The following CYRIB variants were observed in gnomAD, a reference collection of about 807,000 sequenced individuals.
The protein encoded by CYRIB is CYFIP related Rac1 interactor B.
A neutral mutation model predicts 44.2 loss-of-function variants in CYRIB; 8 were observed. That is an observed-to-expected ratio of 0.18 (90% CI 0.11 to 0.33). CYRIB has a LOEUF of 0.33. CYRIB is among the 10% of genes least tolerant of loss of function. CYRIB has a pLI of 1.00. For synonymous variants in CYRIB, 131 were observed against 127.2 expected (o/e 1.03, Z -0.20); for missense variants, 185 against 382.8 (o/e 0.48, Z 4.31).
chr8:129,905,739 C>T (rs1472110321), intron 1 of CYRIB, among the ~76,000 whole-genome samples: 2 of 152,120 alleles, frequency 1.3e-5, no homozygotes, highest in East Asian at 3.8e-4. Flanking sequence ...AAAACCAGTG[C>T]CACTTTGCAT....
upstream of CYRIB, among the ~76,000 whole-genome samples, chr8:129,943,735 A>C (rs1391984310): frequency 1.3e-5 from 2 of 148,284 alleles, no homozygotes; most frequent in East Asian, 4.2e-4. Context: ...AGCAGCTGGG[A>C]CTACAGGCGC....
intron 2 of CYRIB, among the ~76,000 whole-genome samples, chr8:129,884,337 G>A (rs2061901280): frequency 6.6e-6 from 1 of 152,140 alleles, no homozygotes; most frequent in Non-Finnish European, 1.5e-5. Context: ...TGCCCAGACT[G>A]GAGTGCAATG....
intron 4 of CYRIB, among the ~76,000 whole-genome samples, chr8:129,870,789 T>C (rs1428996752): frequency 6.6e-6 from 1 of 152,104 alleles, no homozygotes; most frequent in Non-Finnish European, 1.5e-5. Flanking sequence ...TAAACATGGA[T>C]ATGCTACGGG....
At position 129,871,273 on chromosome 8, in the gene CYRIB, C is replaced by T. The variant is rs570956346; in HGVS notation, c.195+102G>A. 3 of 1,324,484 alleles carry T rather than the reference C, an allele frequency of 2.3e-6. No individual in the cohort carries two copies. In the South Asian group the frequency reaches 4.9e-5, roughly 22 times the overall value. The allele number at this position is 1,324,484 out of a possible 1,614,324, so 82.0% of individuals were successfully genotyped here. On this transcript the variant is annotated intron_variant, in intron 4 of 11. Transcript: ENST00000519824. The stretch of plus-strand genomic sequence containing the variant: ...AAGTGAGCATCCTTCAAATATAATA[C>T]TTAATATGAAATATAGAATTCTGAA...
chr8:129,855,926 C>A (rs1366333082), intron 5 of CYRIB, among the ~76,000 whole-genome samples, 179 bp from the exon 8 acceptor site: 1 of 152,226 alleles, frequency 6.6e-6, no homozygotes, highest in Non-Finnish European at 1.5e-5. Flanking sequence ...ATGTACTACA[C>A]ACATTCTGAA....
At chr8:130,008,962 T>C (rs1028517191) in intron 1 of CYRIB, among the ~76,000 whole-genome samples, 1 of 152,220 alleles carries the variant, frequency 6.6e-6, no homozygotes, top group Admixed American at 6.5e-5. Flanking sequence ...GTCCCAGCAC[T>C]GAGGCTCTGT....
At chr8:129,865,468 A>C (rs2052965442) in intron 4 of CYRIB, among the ~76,000 whole-genome samples, 2 of 152,224 alleles carry the variant, frequency 1.3e-5, no homozygotes, top group African/African-American at 2.4e-5. Flanking sequence ...TCGTGATCAT[A>C]CGTAGAAAAA....
chr8:129,840,004 CAG>C (rs1299296920), exon 12 of CYRIB: 1 of 152,622 alleles, frequency 6.6e-6, no homozygotes, highest in Non-Finnish European at 1.5e-5. Context: ...CTCAAGTTCG[CAG>C]ACTCTCCGGT....
At chr8:129,891,257 A>C (rs1238169153) in intron 2 of CYRIB, among the ~76,000 whole-genome samples, 1 of 152,208 alleles carries the variant, frequency 6.6e-6, no homozygotes, top group African/African-American at 2.4e-5. Flanking sequence ...TACCTCAGCA[A>C]TCTCTTTTGG....
At chr8:129,979,131 ACT>A (rs2096091277) in intron 1 of CYRIB, among the ~76,000 whole-genome samples, 1 of 152,066 alleles carries the variant, frequency 6.6e-6, no homozygotes, top group Non-Finnish European at 1.5e-5. Flanking sequence ...ACAGAGCAAG[ACT>A]CTGTCTCAAA....
intron 2 of CYRIB, chr8:129,948,406 G>A (rs1409522888): frequency 2.0e-5 from 3 of 152,014 alleles, no homozygotes; most frequent in South Asian, 4.1e-4. Flanking sequence ...AGACTCACTG[G>A]CTGCAAAAAA....
At chr8:129,966,653 A>G (rs1225520803) in intron 2 of CYRIB, among the ~76,000 whole-genome samples, 1 of 152,220 alleles carries the variant, frequency 6.6e-6, no homozygotes, top group Non-Finnish European at 1.5e-5. Flanking sequence ...ACTTGAGTCC[A>G]GGAATTCAAG....
At chr8:130,002,490 AG>A (rs2096929921) in intron 1 of CYRIB, among the ~76,000 whole-genome samples, 1 of 152,178 alleles carries the variant, frequency 6.6e-6, no homozygotes, top group South Asian at 2.1e-4. Context: ...GGAAAAAAGA[AG>A]GGGAGAAGGG....
At chr8:129,916,524 A>G (rs192928129) in intron 1 of CYRIB, among the ~76,000 whole-genome samples, 2 of 152,328 alleles carry the variant, frequency 1.3e-5, no homozygotes, top group East Asian at 3.9e-4. Context: ...TAAACATGCT[A>G]CTAGAGCAGA....
At chr8:129,950,491 A>C (rs747090762) in intron 2 of CYRIB, among the ~76,000 whole-genome samples, 9 of 151,968 alleles carry the variant, frequency 5.9e-5, no homozygotes, top group Non-Finnish European at 1.2e-4. Context: ...AATCACTTGA[A>C]CCCAGGAGGT....
chr8:129,913,683 G>A lies in CYRIB; in HGVS notation c.-49-10333C>T, dbSNP rs564978268. Among the ~76,000 whole-genome samples, 93 of 152,272 alleles carry A rather than the reference G, an allele frequency of 6.1e-4. 1 individual carries two copies. The highest frequency in any genetic ancestry group is 7.6e-4 in the Non-Finnish European group (52 of 68,010). ...AGTAGCACTAGTATAAATAAAGCAC[G>A]GGCTCTGGAGCCAAACTGTGAGCCT... On this transcript the variant is annotated intron_variant, in intron 1 of 11. Transcript: ENST00000519824.
chr8:129,943,392 CCTAA>C (rs1051475629), upstream of CYRIB, among the ~76,000 whole-genome samples: 8 of 151,210 alleles, frequency 5.3e-5, no homozygotes, highest in South Asian at 4.2e-4. Context: ...TTCGAGATGG[CCTAA>C]CTAACATGGT....
chr8:129,935,784 T>C (rs2092694790), intron 1 of CYRIB, among the ~76,000 whole-genome samples: 1 of 152,214 alleles, frequency 6.6e-6, no homozygotes, highest in African/African-American at 2.4e-5. Flanking sequence ...CTTTTCAAAA[T>C]GAATAGCTAC....
Position 129,963,233 on chromosome 8 carries a change from C to G in CYRIB, c.-243+7710G>C, listed in dbSNP as rs79803684. Among the ~76,000 whole-genome samples, 585 of 152,308 alleles carry G rather than the reference C, an allele frequency of 3.8e-3. 5 individuals are homozygous for G. The highest frequency in any genetic ancestry group is 0.014 in the African/African-American group (572 of 41,554). On this transcript the variant is annotated intron_variant, in intron 2 of 14. Transcript: ENST00000401979. ...GCAACACTTTAAGCCTTGGATCCTC[C>G]AGGCCTTATGTTTCACTCCTAGATT...
Sources: gnomAD v4.1 joint callset for allele counts (sites outside exome capture counted in the v4.1 genomes callset) on GRCh38, gnomAD v4.1.1 for gene constraint, MANE v1.5 for transcripts, NCBI Gene and HGNC (gene_info 2026-07-23, HGNC 2026-07-21) for gene names.